Variants in STAC observed in about 807,000 individuals in gnomAD.
STAC encodes SH3 and cysteine-rich domain-containing protein.
STAC carries 43 observed loss-of-function variants against 48.8 expected under a neutral mutation model. The observed-to-expected ratio is 0.88, with a 90% CI of 0.69 to 1.14. The LOEUF is 1.14. Ranked by LOEUF, STAC falls within the 50% of genes most tolerant of loss-of-function variation. The pLI, the probability that STAC is intolerant of heterozygous loss-of-function variation, is 0.00. For synonymous variants in STAC, 193 were observed against 179.5 expected (o/e 1.07, Z -0.60); for missense variants, 497 against 504.0 (o/e 0.99, Z 0.13).
At chr3:36,436,992 A>C (rs1481106239) in intron 1 of STAC, among the ~76,000 whole-genome samples, 2 of 151,930 alleles carry the variant, frequency 1.3e-5, no homozygotes, top group Non-Finnish European at 2.9e-5. Context: ...TCTCAAAAGA[A>C]GACATTTATG....
At chr3:36,390,440 A>ATGTTTCTTTTGTTTTTTTTT (rs1699725575) in intron 1 of STAC, among the ~76,000 whole-genome samples, 1 of 74,158 alleles carries the variant, frequency 1.3e-5, no homozygotes, top group Non-Finnish European at 3.2e-5. Context: ...TAATCATGTG[A>ATGTTTCTTTTGTTTTTTTTT]TTTTTCTTTT....
chr3:36,415,015 A>T (rs768632091), intron 1 of STAC, among the ~76,000 whole-genome samples: 10 of 152,130 alleles, frequency 6.6e-5, no homozygotes, highest in Non-Finnish European at 1.3e-4. Flanking sequence ...TTGCTGTCTG[A>T]TCATTCCTCT....
intron 8 of STAC, among the ~76,000 whole-genome samples, chr3:36,527,608 A>T (rs1192216373): frequency 6.6e-6 from 1 of 152,216 alleles, no homozygotes; most frequent in Non-Finnish European, 1.5e-5. Context: ...GTGAGGATGG[A>T]TTCAGAAGGT....
At chr3:36,457,422 C>G (rs1230871754) in intron 2 of STAC, among the ~76,000 whole-genome samples, 1 of 152,168 alleles carries the variant, frequency 6.6e-6, no homozygotes, top group South Asian at 2.1e-4. Flanking sequence ...GACTTAAAAC[C>G]TGTTCACTAT....
intron 5 of STAC, among the ~76,000 whole-genome samples, chr3:36,492,734 C>G (rs1423359038): frequency 1.3e-5 from 2 of 152,194 alleles, no homozygotes; most frequent in Non-Finnish European, 2.9e-5. Context: ...AGTAGTGCAT[C>G]CCTCCATAGT....
chr3:36,404,446 T>C (rs929649735), intron 1 of STAC, among the ~76,000 whole-genome samples: 1 of 152,182 alleles, frequency 6.6e-6, no homozygotes, highest in African/African-American at 2.4e-5. Flanking sequence ...GCAAAGCACT[T>C]AGCACAATTA....
intron 1 of STAC, among the ~76,000 whole-genome samples, chr3:36,401,182 C>T (rs937453578): frequency 1.5e-4 from 23 of 152,102 alleles, no homozygotes; most frequent in African/African-American, 5.3e-4. Flanking sequence ...GTCTCCATTC[C>T]TTCTGGAAAT....
intron 1 of STAC, among the ~76,000 whole-genome samples, chr3:36,394,401 A>G (rs1361232705): frequency 6.6e-6 from 1 of 152,214 alleles, no homozygotes; most frequent in African/African-American, 2.4e-5. Context: ...TTAGATTTTT[A>G]TCCAAGTTTG....
At chr3:36,543,759 T>C (rs889582405) in intron 10 of STAC, among the ~76,000 whole-genome samples, 5 of 152,206 alleles carry the variant, frequency 3.3e-5, no homozygotes, top group African/African-American at 1.2e-4. Context: ...GTTTTGTTTG[T>C]TCCAAGGCAT....
At chr3:36,522,759 G>A (rs998759317) in intron 8 of STAC, among the ~76,000 whole-genome samples, 9 of 152,186 alleles carry the variant, frequency 5.9e-5, no homozygotes, top group African/African-American at 1.7e-4. Context: ...GTTTCTCTCA[G>A]AAGCAGTGTC....
At chr3:36,421,546 C>T (rs56155704) in intron 1 of STAC, among the ~76,000 whole-genome samples, 3,399 of 152,208 alleles carry the variant, frequency 0.022, 58 homozygotes, top group Non-Finnish European at 0.026. Flanking sequence ...CGACCTGACA[C>T]ATGATGATTC....
intron 10 of STAC, among the ~76,000 whole-genome samples, chr3:36,539,430 C>T (rs1699270908): frequency 6.6e-6 from 1 of 152,148 alleles, no homozygotes; most frequent in African/African-American, 2.4e-5. Flanking sequence ...CATTTAGCTC[C>T]AACTTACAAG....
intron 8 of STAC, among the ~76,000 whole-genome samples, chr3:36,518,350 A>G (rs190286448): frequency 1.6e-3 from 250 of 152,226 alleles, no homozygotes; most frequent in African/African-American, 5.7e-3. Flanking sequence ...CCACATCTAA[A>G]TCATTTTCGT....
chr3:36,471,089 G>A (rs1253208470), intron 2 of STAC, among the ~76,000 whole-genome samples: 1 of 152,156 alleles, frequency 6.6e-6, no homozygotes, highest in African/African-American at 2.4e-5. Context: ...GGAAGAAAAA[G>A]AGGTTTAATT....
chr3:36,487,617 C>T (rs1031046802), intron 5 of STAC, among the ~76,000 whole-genome samples: 14 of 151,996 alleles, frequency 9.2e-5, no homozygotes, highest in Admixed American at 4.6e-4. Context: ...AAACCAATAG[C>T]GAAGAAATTT....
At chr3:36,538,858 T>C (rs1344575067) in intron 10 of STAC, among the ~76,000 whole-genome samples, 1 of 152,204 alleles carries the variant, frequency 6.6e-6, no homozygotes, top group Non-Finnish European at 1.5e-5. Flanking sequence ...TTGAAGAATA[T>C]TTATGTCTGC....
At chr3:36,388,392 A>G in intron 1 of STAC, among the ~76,000 whole-genome samples, 1 of 151,834 alleles carries the variant, frequency 6.6e-6, no homozygotes, top group Non-Finnish European at 1.5e-5. Context: ...ATTAAATTCA[A>G]CCTTTCAGAT....
chr3:36,456,197 C>A (rs1455531450), intron 2 of STAC, among the ~76,000 whole-genome samples: 1 of 152,122 alleles, frequency 6.6e-6, no homozygotes, highest in Admixed American at 6.5e-5. Context: ...GATCCAGACA[C>A]CATCCCTTCA....
intron 1 of STAC, among the ~76,000 whole-genome samples, chr3:36,431,754 C>T (rs1700710956): frequency 6.6e-6 from 1 of 152,150 alleles, no homozygotes; most frequent in Non-Finnish European, 1.5e-5. Context: ...CTCCATACCA[C>T]CCCAGAATTT....
Sources: gnomAD v4.1 joint callset for allele counts (sites outside exome capture counted in the v4.1 genomes callset) on GRCh38, gnomAD v4.1.1 for gene constraint, MANE v1.5 for transcripts, NCBI Gene and HGNC (gene_info 2026-07-23, HGNC 2026-07-21) for gene names.